The following MSH5 variants were observed in gnomAD, a reference collection of about 807,000 sequenced individuals.
The protein encoded by MSH5 is mutS homolog 5.
Under a neutral mutation model 107.7 loss-of-function variants are expected in MSH5, and 78 were observed. The ratio of observed to expected loss-of-function variants is 0.72; its 90% confidence interval spans 0.60 to 0.87. The LOEUF is 0.87. Among genes scored for constraint, MSH5 ranks in the 40% least tolerant of loss-of-function variants. MSH5 has a pLI of 0.00. For missense variants in MSH5, 889 were observed against 1,046.6 expected, an observed-to-expected ratio of 0.85 and a Z score of 2.08; for synonymous variants, 326 against 399.5, an observed-to-expected ratio of 0.82 and a Z score of 2.19.
intron 10 of MSH5, 108 bp downstream of exon 10, chr6:31,747,540 C>T: frequency 8.7e-7 from 1 of 1,144,970 alleles, no homozygotes; most frequent in South Asian, 1.3e-5. Context: ...CACCACCCCA[C>T]CTAGTAGTAG....
chr6:31,753,545 C>G (rs1347743625), intron 11 of MSH5, 22 bp from the exon 12 acceptor site: 2 of 1,614,088 alleles, frequency 1.2e-6, no homozygotes, highest in South Asian at 2.2e-5. Flanking sequence ...AAAACAGCGG[C>G]TGTAACCTTG....
rs2151381191 is a variant in MSH5, at chr6:31,761,967, C to T, written c.2319+12C>T. On this transcript the variant is annotated intron_variant, in intron 23 of 24. Coordinates refer to ENST00000375750, the MANE Select transcript of MSH5 (RefSeq NM_172166.4). The surrounding 1 kb of genome is among the most constrained non-coding windows in gnomAD (Gnocchi z 5.3). Reference sequence around the variant, plus strand: ...CTCGTGGCAAGGAGGTGATGAGATCCAAATGTGCAACCACCTCCACATCAG... The same window carrying T: ...CTCGTGGCAAGGAGGTGATGAGATCTAAATGTGCAACCACCTCCACATCAG... 1.9e-6 allele frequency: 3 copies of T among 1,613,774 alleles called. No homozygotes were observed. Among genetic ancestry groups the T allele is most frequent in the Non-Finnish European group, 1.7e-6 (2 of 1,179,894 alleles).
chr6:31,758,340 A>C lies in MSH5; in HGVS notation c.1143+47A>C, dbSNP rs1810642280. 1 of 1,607,216 alleles carries C rather than the reference A, an allele frequency of 6.2e-7. No homozygotes were observed. Among genetic ancestry groups the C allele is most frequent in the African/African-American group, 1.3e-5 (1 of 74,814 alleles). The stretch of plus-strand genomic sequence containing the variant: ...GTGCACCCAGGGAGGTCAGGGAGAG[A>C]GAATGCAGTGTGCAAGATGGGGAAA... On this transcript the variant is annotated intron_variant, in intron 13 of 24. Coordinates refer to ENST00000375750, the MANE Select transcript of MSH5 (RefSeq NM_172166.4). This position sits in a 1 kb window ranked among gnomAD's most constrained non-coding sequence, Gnocchi z 5.1.
At position 31,759,308 on chromosome 6, in the gene MSH5, C is replaced by G; in HGVS notation, c.1408-117C>G. ...GTAGTTTTACTCTGAGCTTTACCAGCACTGAGACAAAGGAAAGAGAAGTCA... is the reference window on the plus strand; with the variant it reads ...GTAGTTTTACTCTGAGCTTTACCAGGACTGAGACAAAGGAAAGAGAAGTCA... On this transcript the variant is annotated intron_variant, in intron 16 of 24. Transcript: ENST00000375750. The surrounding 1 kb of genome is among the most constrained non-coding windows in gnomAD (Gnocchi z 4.7). 1 of 1,392,380 alleles carries G rather than the reference C, an allele frequency of 7.2e-7. No individual in the cohort carries two copies. The highest frequency in any genetic ancestry group is 1.2e-5 in the South Asian group (1 of 86,360). The allele number at this position is 1,392,380 out of a possible 1,614,324, so 86.3% of individuals were successfully genotyped here.
chr6:31,753,310 C>A lies in MSH5; in HGVS notation c.822C>A (p.Phe274Leu). The A allele has an allele frequency of 6.2e-7, 1 of 1,609,350 alleles. No homozygotes were observed. Among genetic ancestry groups the A allele is most frequent in the South Asian group, 1.1e-5 (1 of 90,884 alleles). Residue 274 changes from phenylalanine to leucine, a missense_variant, in exon 11 of 25, where the codon TTC becomes TTA. Around this residue, in one of 3 missense-constraint regions of MSH5, gnomAD observed 518 missense variants for 565.0 expected, o/e 0.92. Coordinates refer to ENST00000375750, the MANE Select transcript of MSH5 (RefSeq NM_172166.4). ...KWGEKLLRLWFTRPTHDLGEL... is the reference protein window; with the variant it reads ...KWGEKLLRLWLTRPTHDLGEL... Reference sequence around the variant, plus strand: ...AAACCCTCACTTCCAGGCTATGGTTCACACGTCCGACTCATGACCTGGGGG... The same window carrying A: ...AAACCCTCACTTCCAGGCTATGGTTAACACGTCCGACTCATGACCTGGGGG...
In MSH5 at chr6:31,744,595, G is replaced by A. The variant is rs755551424; in HGVS notation, c.683+14G>A. On this transcript the variant is annotated intron_variant, in intron 8 of 24. Coordinates refer to ENST00000375750, the MANE Select transcript of MSH5 (RefSeq NM_172166.4). ...AGACACTTACAGGTAAAGAGGTGGA[G>A]GCATGCTGCTGTCTCTGGGGAGGGA... is the stretch of plus-strand genomic sequence containing the variant. 5.0e-6 allele frequency: 8 copies of A among 1,612,972 alleles called. No homozygotes were observed. Among genetic ancestry groups the A allele is most frequent in the Middle Eastern group, 1.6e-4 (1 of 6,084 alleles).
At chr6:31,753,713 G>C in intron 12 of MSH5, 84 bp downstream of exon 12, 2 of 1,278,642 alleles carry the variant, frequency 1.6e-6, no homozygotes, top group Admixed American at 1.9e-5. Flanking sequence ...TAGACATGCT[G>C]TCCAATTTTA....
At chr6:31,762,213 CCT>C in intron 24 of MSH5, 28 bp downstream of exon 24, 1 of 1,608,966 alleles carries the variant, frequency 6.2e-7, no homozygotes, top group Non-Finnish European at 8.5e-7. Flanking sequence ...GTGTCTTTAC[CCT>C]CTCTGCATCT....
intron 24 of MSH5, 21 bp downstream of exon 24, chr6:31,762,206 T>A (rs1232172686): frequency 4.3e-6 from 7 of 1,611,696 alleles, no homozygotes; most frequent in Non-Finnish European, 5.9e-6. Context: ...GGCCCCAGTG[T>A]CTTTACCCTC....
At chr6:31,741,381 ACATAT>A (rs1182621012) in intron 3 of MSH5, 95 bp downstream of exon 3, 5 of 928,064 alleles carry the variant, frequency 5.4e-6, no homozygotes, top group South Asian at 2.2e-5. Context: ...ACACACACAC[ACATAT>A]TTTTTTTTTC....
Position 31,761,722 on chromosome 6 carries a change from A to G in MSH5, c.2182-96A>G. 2 of 1,612,518 alleles carry G rather than the reference A, an allele frequency of 1.2e-6. No homozygotes were observed. Among genetic ancestry groups the G allele is most frequent in the South Asian group, 1.1e-5 (1 of 91,052 alleles). Reference sequence around the variant, plus strand: ...AGGGCTCCCTCAGCACAGAGACCACATCCCTTCCCTTTTCTCCCTCCCCAC... The same window carrying G: ...AGGGCTCCCTCAGCACAGAGACCACGTCCCTTCCCTTTTCTCCCTCCCCAC... On this transcript the variant is annotated intron_variant, in intron 22 of 24. Transcript: ENST00000375750. This position sits in a 1 kb window ranked among gnomAD's most constrained non-coding sequence, Gnocchi z 5.3.
chr6:31,760,550 GAC>G lies in MSH5; in HGVS notation c.1813-138_1813-137del. 1 of 1,170,048 alleles carries G rather than the reference GAC, an allele frequency of 8.5e-7. No homozygotes were observed. Among genetic ancestry groups the G allele is most frequent in the Non-Finnish European group, 1.3e-6 (1 of 799,096 alleles). The allele number at this position is 1,170,048 out of a possible 1,614,324, so 72.5% of individuals were successfully genotyped here. A position where few individuals can be genotyped will look rare whatever the true frequency, so the allele number is the denominator to read the frequency against. ...CTATGGTCAGGATTCGGGGAGGAGA[GAC>G]AGAGTCAGTGTGTCTGTTACCTATT... On this transcript the variant is annotated intron_variant, in intron 19 of 24. Transcript: ENST00000375750. The surrounding 1 kb of genome is among the most constrained non-coding windows in gnomAD (Gnocchi z 5.6).
intron 10 of MSH5, among the ~76,000 whole-genome samples, chr6:31,751,871 G>A (rs1052459550): frequency 3.3e-5 from 5 of 152,020 alleles, no homozygotes; most frequent in African/African-American, 1.2e-4. Context: ...GGCTGAGGCA[G>A]GCAGATCACC....
Position 31,742,925 on chromosome 6 carries a change from A to G in MSH5, c.320A>G (p.Asp107Gly), listed in dbSNP as rs1408766372. Reference protein sequence around the residue: ...PQSVVTSAKQDENMTRFLGKL... With the variant: ...PQSVVTSAKQGENMTRFLGKL... ...TCTGTTGTTACGAGTGCCAAACAGGATGAGAATATGACTCGATTTCTGGGA... is the reference window on the plus strand; with the variant it reads ...TCTGTTGTTACGAGTGCCAAACAGGGTGAGAATATGACTCGATTTCTGGGA... The change falls in exon 4 of 25, where the codon GAT (aspartate) becomes GGT (glycine). Residue 107 changes from aspartate to glycine, a missense_variant. Transcript: ENST00000375750. 6.2e-7 allele frequency: 1 copy of G among 1,612,926 alleles called. No individual in the cohort carries two copies. The highest frequency in any genetic ancestry group is 8.5e-7 in the Non-Finnish European group (1 of 1,180,026).
At chr6:31,752,416 TA>T (rs925066964) in intron 10 of MSH5, among the ~76,000 whole-genome samples, 1 of 128,966 alleles carries the variant, frequency 7.8e-6, no homozygotes. Context: ...AAAAATAAAA[TA>T]AAAAAAAAGA....
chr6:31,760,336 A>C lies in MSH5; in HGVS notation c.1812+120A>C. ...CATTTTCTGACCCCGCTCTTCATGA[A>C]AGGACCATCACCCACATCCCTGTGC... On this transcript the variant is annotated intron_variant, in intron 19 of 24. Coordinates refer to ENST00000375750, the MANE Select transcript of MSH5 (RefSeq NM_172166.4). This position sits in a 1 kb window ranked among gnomAD's most constrained non-coding sequence, Gnocchi z 5.6. The C allele has an allele frequency of 7.6e-7, 1 of 1,315,360 alleles. No individual in the cohort carries two copies. Among genetic ancestry groups the C allele is most frequent in the Non-Finnish European group, 1.0e-6 (1 of 967,844 alleles). 81.5% of individuals were successfully genotyped at this position (1,315,360 alleles called of 1,614,324 possible).
At chr6:31,749,788 T>C (rs1021990192) in intron 10 of MSH5, among the ~76,000 whole-genome samples, 1 of 152,180 alleles carries the variant, frequency 6.6e-6, no homozygotes. Context: ...GTCTTGTACA[T>C]AGTAGCACTC....
At position 31,753,586 on chromosome 6, in the gene MSH5, A is replaced by C. The variant is rs778496445; in HGVS notation, c.971A>C (p.Lys324Thr). 2.5e-6 allele frequency: 4 copies of C among 1,614,032 alleles called. No homozygotes were observed. The highest frequency in any genetic ancestry group is 3.4e-6 in the Non-Finnish European group (4 of 1,180,030). Reference protein sequence around the residue: ...KNVPLILKRMKLSHTKVSDWQ... With the variant: ...KNVPLILKRMTLSHTKVSDWQ... The stretch of plus-strand genomic sequence containing the variant: ...CTGTAGCTGATTCTGAAACGCATGA[A>C]GTTGTCCCACACCAAGGTCAGCGAC... Residue 324 changes from lysine to threonine, a missense_variant, in exon 12 of 25, where the codon AAG becomes ACG. Around this residue, in one of 3 missense-constraint regions of MSH5, gnomAD observed 518 missense variants for 565.0 expected, o/e 0.92. Coordinates refer to ENST00000375750, the MANE Select transcript of MSH5 (RefSeq NM_172166.4).
At chr6:31,752,359 T>C (rs1254527631) in intron 10 of MSH5, among the ~76,000 whole-genome samples, 1 of 151,250 alleles carries the variant, frequency 6.6e-6, no homozygotes, top group Admixed American at 6.6e-5. Flanking sequence ...TAAGCCAAGA[T>C]TGTGCTACTG....
Sources: allele counts gnomAD v4.1 joint callset (sites outside exome capture counted in the v4.1 genomes callset), GRCh38; gene constraint gnomAD v4.1.1; regional missense constraint gnomAD v4.1.1; non-coding constraint Gnocchi (gnomAD v3.1); transcripts MANE v1.5; gene names NCBI Gene and HGNC (gene_info 2026-07-23, HGNC 2026-07-21).